PRDM11: variants seen among roughly 807,000 people sequenced by gnomAD.
PRDM11 encodes the protein PR domain-containing protein 11.
A neutral mutation model predicts 97.8 loss-of-function variants in PRDM11; 20 were observed. That is an observed-to-expected ratio of 0.20 (90% CI 0.14 to 0.30). PRDM11 has a LOEUF of 0.30. PRDM11 is among the 10% of genes least tolerant of loss of function. The probability of loss-of-function intolerance (pLI) is 1.00; values close to 1 mark genes in which losing one functional copy is unlikely to be tolerated. For missense variants in PRDM11, 1,139 were observed against 1,555.2 expected (o/e 0.73, Z 4.50); for synonymous variants, 599 against 637.7 (o/e 0.94, Z 0.91).
At chr11:45,114,183 C>T (rs1218395264) in intron 1 of PRDM11, among the ~76,000 whole-genome samples, 1 of 151,822 alleles carries the variant, frequency 6.6e-6, no homozygotes, top group Admixed American at 6.6e-5. Flanking sequence ...TGCTCAAGGA[C>T]TTAAAGAACA....
chr11:45,186,305 T>C (rs990596256), intron 4 of PRDM11, among the ~76,000 whole-genome samples: 4 of 152,106 alleles, frequency 2.6e-5, no homozygotes, highest in Non-Finnish European at 4.4e-5. Flanking sequence ...AGAAGGTGAG[T>C]TCTGCTTGGG....
At chr11:45,217,099 C>T (rs1853977771) in intron 5 of PRDM11, among the ~76,000 whole-genome samples, 1 of 152,206 alleles carries the variant, frequency 6.6e-6, no homozygotes, top group Non-Finnish European at 1.5e-5. Flanking sequence ...TTTGGAACAA[C>T]TTCTATTCTG....
chr11:45,149,269 A>G (rs1390781384), intron 1 of PRDM11, among the ~76,000 whole-genome samples: 1 of 152,194 alleles, frequency 6.6e-6, no homozygotes, highest in Non-Finnish European at 1.5e-5. Flanking sequence ...AAGTCTTTCC[A>G]GTGTGTTGGG....
At position 45,164,858 on chromosome 11, in the gene PRDM11, G is replaced by C. The variant is rs946179514; in HGVS notation, c.-6-16903G>C. ...TGAGTTTCACAGAATGCCAGAGCCA[G>C]CAGATCCTAAAGGAAAATCCCAAAG... On this transcript the variant is annotated intron_variant, in intron 1 of 7. Transcript: ENST00000683152. Among the ~76,000 whole-genome samples the C allele has an allele frequency of 3.9e-5, 6 of 152,136 alleles. No homozygotes were observed. In the East Asian group the frequency reaches 1.2e-3, roughly 29 times the overall value.
chr11:45,104,028 G>A (rs927218115), intron 1 of PRDM11, among the ~76,000 whole-genome samples: 1 of 152,150 alleles, frequency 6.6e-6, no homozygotes, highest in Non-Finnish European at 1.5e-5. Context: ...ATTGAGGCTT[G>A]GTGAAAACTT....
At chr11:45,114,721 A>T (rs999812944) in intron 1 of PRDM11, among the ~76,000 whole-genome samples, 1 of 152,158 alleles carries the variant, frequency 6.6e-6, no homozygotes, top group African/African-American at 2.4e-5. Context: ...AAAAAACCAT[A>T]TCACACATAG....
At chr11:45,190,899 G>C in intron 4 of PRDM11, among the ~76,000 whole-genome samples, 1 of 152,124 alleles carries the variant, frequency 6.6e-6, no homozygotes, top group Non-Finnish European at 1.5e-5. Context: ...TACAGCCATA[G>C]TTGGCTGACC....
intron 1 of PRDM11, among the ~76,000 whole-genome samples, chr11:45,181,530 T>C (rs1852499986): frequency 6.6e-6 from 1 of 152,218 alleles, no homozygotes; most frequent in South Asian, 2.1e-4. Context: ...CCTGACCCCA[T>C]GGGGCTGGTG....
In PRDM11 at chr11:45,199,795, C is replaced by T. The variant is rs117430692; in HGVS notation, c.487-4916C>T. Among the ~76,000 whole-genome samples, 510 of 152,312 alleles carry T rather than the reference C, an allele frequency of 3.3e-3. 14 individuals are homozygous for T. In the East Asian group the frequency reaches 0.082, roughly 24 times the overall value. On this transcript the variant is annotated intron_variant, in intron 4 of 7. Coordinates refer to ENST00000683152, the MANE Select transcript of PRDM11 (RefSeq NM_001384648.1). The stretch of plus-strand genomic sequence containing the variant: ...GCCTGGGCTCATCAGTGGCATGTAA[C>T]GTGGTCCACAGGCCCTGCGAGATCC...
At position 45,162,381 on chromosome 11, in the gene PRDM11, A is replaced by T. The variant is rs138187132; in HGVS notation, c.-7+15504A>T. 3.3e-3 allele frequency among the ~76,000 whole-genome samples: 496 copies of T among 152,024 alleles called. 3 individuals are homozygous for T. The highest frequency in any genetic ancestry group is 0.011 in the African/African-American group (463 of 41,536). The stretch of plus-strand genomic sequence containing the variant: ...GAGAAAGTAAGGCTCAGAGAGGCCC[A>T]AAGGGCCTCTCTGAGCTAGTGGATG... On this transcript the variant is annotated intron_variant, in intron 1 of 7. Transcript: ENST00000683152.
intron 4 of PRDM11, among the ~76,000 whole-genome samples, chr11:45,186,465 T>A (rs1474828708): frequency 6.6e-6 from 1 of 152,156 alleles, no homozygotes; most frequent in Non-Finnish European, 1.5e-5. Flanking sequence ...AGGGAGGGCA[T>A]TTCCTACAGA....
intron 1 of PRDM11, among the ~76,000 whole-genome samples, chr11:45,099,522 G>T (rs1851937240): frequency 6.7e-6 from 1 of 149,978 alleles, no homozygotes; most frequent in Non-Finnish European, 1.5e-5. Context: ...CCAAGACCAG[G>T]AGTGAGGAAG....
chr11:45,153,833 A>T (rs1851721328), intron 1 of PRDM11, among the ~76,000 whole-genome samples: 2 of 152,188 alleles, frequency 1.3e-5, no homozygotes, highest in African/African-American at 4.8e-5. Flanking sequence ...TAGAAGGAAC[A>T]TGTATGGAGC....
At chr11:45,166,597 G>A (rs185818228) in intron 1 of PRDM11, among the ~76,000 whole-genome samples, 1 of 152,376 alleles carries the variant, frequency 6.6e-6, no homozygotes, top group Admixed American at 6.5e-5. Flanking sequence ...CAAGCCCCCT[G>A]AGGGTGGCGA....
intron 1 of PRDM11, among the ~76,000 whole-genome samples, chr11:45,112,239 C>T (rs1232737813): frequency 1.3e-5 from 2 of 152,230 alleles, no homozygotes; most frequent in African/African-American, 4.8e-5. Context: ...GAATAATGGC[C>T]TCCAGCTCCA....
intron 1 of PRDM11, among the ~76,000 whole-genome samples, chr11:45,180,191 G>A (rs1272141177): frequency 6.6e-6 from 1 of 152,210 alleles, no homozygotes; most frequent in East Asian, 1.9e-4. Context: ...CAATTCCTGC[G>A]CCCTCACAGG....
At chr11:45,096,719 C>T (rs1352304760) in intron 1 of PRDM11, among the ~76,000 whole-genome samples, 2 of 152,200 alleles carry the variant, frequency 1.3e-5, no homozygotes, top group Non-Finnish European at 2.9e-5. Flanking sequence ...CTGATTATTT[C>T]CTGAGGAGAT....
chr11:45,180,520 C>A (rs1032993787), intron 1 of PRDM11, among the ~76,000 whole-genome samples: 2 of 151,770 alleles, frequency 1.3e-5, no homozygotes, highest in African/African-American at 2.4e-5. Context: ...TGACCCGGAG[C>A]GACCCCCCGC....
intron 1 of PRDM11, among the ~76,000 whole-genome samples, chr11:45,162,294 G>A (rs1373669499): frequency 6.6e-6 from 1 of 152,064 alleles, no homozygotes. Context: ...CAGCCCTGGG[G>A]GCTCCAGTGC....
Sources: gnomAD v4.1 joint callset for allele counts (sites outside exome capture counted in the v4.1 genomes callset) on GRCh38, gnomAD v4.1.1 for gene constraint, MANE v1.5 for transcripts, NCBI Gene and HGNC (gene_info 2026-07-23, HGNC 2026-07-21) for gene names.